Variants in GNA14 observed in about 807,000 individuals in gnomAD.
GNA14 encodes the protein guanine nucleotide-binding protein subunit alpha-14.
A neutral mutation model predicts 42.0 loss-of-function variants in GNA14; 50 were observed. The observed-to-expected ratio is 1.19, with a 90% confidence interval of 0.95 to 1.51. The LOEUF is 1.51. Ranked by LOEUF, GNA14 falls within the 40% of genes most tolerant of loss-of-function variation. GNA14 has a pLI of 0.00. For missense variants in GNA14, 473 were observed against 446.2 expected (o/e 1.06, Z -0.54); for synonymous variants, 173 against 163.1 (o/e 1.06, Z -0.46).
chr9:77,431,490 CA>C (rs1259639028), intron 3 of GNA14, 41 bp from the exon 4 acceptor site: 1 of 1,569,062 alleles, frequency 6.4e-7, no homozygotes, highest in Non-Finnish European at 8.7e-7. Context: ...CCTTTTAGAG[CA>C]GGGGGAAATG....
chr9:77,646,874 C>T (rs1009364108), intron 1 of GNA14, among the ~76,000 whole-genome samples: 3 of 152,206 alleles, frequency 2.0e-5, no homozygotes, highest in African/African-American at 7.2e-5. Flanking sequence ...AGTGGATGTC[C>T]TACCCAGACC....
At chr9:77,431,036 G>GCA (rs1564011687) in intron 4 of GNA14, among the ~76,000 whole-genome samples, 1 of 147,626 alleles carries the variant, frequency 6.8e-6, no homozygotes, top group Non-Finnish European at 1.5e-5. Flanking sequence ...GTGTGTGTGT[G>GCA]TGTGTGTGTG....
chr9:77,451,428 T>C (rs1429403051), intron 2 of GNA14, among the ~76,000 whole-genome samples: 1 of 152,218 alleles, frequency 6.6e-6, no homozygotes, highest in Admixed American at 6.5e-5. Context: ...TCATTGTAAC[T>C]ATACTTAGCT....
At chr9:77,504,857 G>A (rs772018498) in intron 2 of GNA14, among the ~76,000 whole-genome samples, 1 of 151,690 alleles carries the variant, frequency 6.6e-6, no homozygotes, top group Non-Finnish European at 1.5e-5. Flanking sequence ...TAGTAGAGAC[G>A]GGGTTTCATC....
At chr9:77,468,989 A>G (rs1486731206) in intron 2 of GNA14, among the ~76,000 whole-genome samples, 1 of 152,242 alleles carries the variant, frequency 6.6e-6, no homozygotes, top group Non-Finnish European at 1.5e-5. Flanking sequence ...AGCAGCCCTT[A>G]GCTAAAGTCA....
chr9:77,647,552 G>T (rs1308140110), intron 1 of GNA14, 118 bp downstream of exon 1: 1 of 1,169,666 alleles, frequency 8.5e-7, no homozygotes, highest in Non-Finnish European at 1.2e-6. Context: ...AGGGGGAGAA[G>T]GACGAAGCCG....
At chr9:77,582,217 G>A (rs1823236464) in intron 1 of GNA14, among the ~76,000 whole-genome samples, 1 of 152,188 alleles carries the variant, frequency 6.6e-6, no homozygotes, top group South Asian at 2.1e-4. Context: ...CTTGGCACAA[G>A]AAAACCCCAA....
At chr9:77,467,173 G>A (rs935202845) in intron 2 of GNA14, among the ~76,000 whole-genome samples, 1 of 151,958 alleles carries the variant, frequency 6.6e-6, no homozygotes, top group African/African-American at 2.4e-5. Flanking sequence ...TGGGGCAGGT[G>A]CCCAGCTGTT....
At chr9:77,522,178 A>G (rs965578196) in intron 2 of GNA14, among the ~76,000 whole-genome samples, 2 of 152,210 alleles carry the variant, frequency 1.3e-5, no homozygotes, top group South Asian at 2.1e-4. Flanking sequence ...TATTAATACA[A>G]TCTGCATCTC....
rs561116638 is a variant in GNA14, at chr9:77,471,189, C to T, written c.310-36667G>A. The stretch of plus-strand genomic sequence containing the variant: ...TAGGTTCAGCCCTACCAGGAAATTA[C>T]ATGGAAAAGAAACGCTGGGGCCAAT... On this transcript the variant is annotated intron_variant, in intron 2 of 6. Transcript: ENST00000341700. 3.3e-5 allele frequency among the ~76,000 whole-genome samples: 5 copies of T among 152,262 alleles called. No individual in the cohort carries two copies. In the South Asian group the frequency reaches 1.0e-3, roughly 32 times the overall value.
At chr9:77,460,684 G>C (rs147639493) in intron 2 of GNA14, among the ~76,000 whole-genome samples, 2 of 152,238 alleles carry the variant, frequency 1.3e-5, no homozygotes, top group East Asian at 1.9e-4. Context: ...GAAGCAAAGA[G>C]AAAGAAATGA....
At chr9:77,569,575 G>A (rs146963028) in intron 1 of GNA14, among the ~76,000 whole-genome samples, 2 of 152,264 alleles carry the variant, frequency 1.3e-5, no homozygotes, top group Admixed American at 6.5e-5. Flanking sequence ...ACTCGGTATA[G>A]TGAGTTCCAC....
chr9:77,647,795 G>T lies in GNA14; in HGVS notation c.-2C>A. 6.2e-7 allele frequency: 1 copy of T among 1,607,870 alleles called. No homozygotes were observed. Among genetic ancestry groups the T allele is most frequent in the Non-Finnish European group, 8.5e-7 (1 of 1,178,560 alleles). On this transcript the variant is annotated 5_prime_UTR_variant, in exon 1 of 7. Coordinates refer to ENST00000341700, the MANE Select transcript of GNA14 (RefSeq NM_004297.4). The stretch of plus-strand genomic sequence containing the variant: ...GGACAGGCAGCAGCAGCCGGCCATG[G>T]TGCGCTCAGCTCAGTACCCGACGGG...
intron 1 of GNA14, among the ~76,000 whole-genome samples, chr9:77,613,482 A>G (rs551767593): frequency 7.2e-5 from 11 of 152,354 alleles, no homozygotes; most frequent in Admixed American, 4.6e-4. Context: ...TGGTGCCTAT[A>G]ACTAACAATA....
At chr9:77,476,537 C>T (rs1443871) in intron 2 of GNA14, among the ~76,000 whole-genome samples, 81,824 of 152,074 alleles carry the variant, frequency 0.54, 22,359 homozygotes, top group East Asian at 0.82. Flanking sequence ...TGAAGATTAT[C>T]TGTGTCAGGG....
At chr9:77,465,240 C>T (rs528109177) in intron 2 of GNA14, among the ~76,000 whole-genome samples, 2 of 152,216 alleles carry the variant, frequency 1.3e-5, no homozygotes, top group Admixed American at 6.5e-5. Flanking sequence ...TTTGCCTATT[C>T]TGGATGTTTT....
chr9:77,597,747 C>A (rs1192340823), intron 1 of GNA14, among the ~76,000 whole-genome samples: 2 of 151,970 alleles, frequency 1.3e-5, no homozygotes, highest in African/African-American at 4.8e-5. Flanking sequence ...CATAAAATTT[C>A]TCCAGTAAAA....
intron 1 of GNA14, among the ~76,000 whole-genome samples, chr9:77,547,818 TATAA>T (rs1837738577): frequency 6.6e-6 from 1 of 152,190 alleles, no homozygotes; most frequent in Non-Finnish European, 1.5e-5. Flanking sequence ...ATGAGTATAA[TATAA>T]ATGAGTATAA....
chr9:77,511,795 T>C (rs754380936), intron 2 of GNA14, among the ~76,000 whole-genome samples: 1 of 152,184 alleles, frequency 6.6e-6, no homozygotes, highest in Non-Finnish European at 1.5e-5. Context: ...ATGTGACTAA[T>C]GTAATTTACA....
Sources: gnomAD v4.1 joint callset for allele counts (sites outside exome capture counted in the v4.1 genomes callset) on GRCh38, gnomAD v4.1.1 for gene constraint, MANE v1.5 for transcripts, NCBI Gene and HGNC (gene_info 2026-07-23, HGNC 2026-07-21) for gene names.